Variants in PKIB observed in about 807,000 individuals in gnomAD.
The protein encoded by PKIB is PKI-beta.
PKIB carries 2 observed loss-of-function variants against 4.5 expected under a neutral mutation model. The observed-to-expected ratio is 0.44, with a 90% CI of 0.18 to 1.39. The LOEUF (loss-of-function observed/expected upper bound fraction) is 1.39. Ranked by LOEUF, PKIB falls within the 40% of genes most tolerant of loss-of-function variation. The pLI, the probability that PKIB is intolerant of heterozygous loss-of-function variation, is 0.27. For missense variants in PKIB, 94 were observed against 92.6 expected (o/e 1.02, Z -0.06); for synonymous variants, 38 against 36.0 (o/e 1.06, Z -0.20).
chr6:122,602,681 G>A (rs1216251222), intron 3 of PKIB, among the ~76,000 whole-genome samples: 2 of 152,118 alleles, frequency 1.3e-5, no homozygotes, highest in African/African-American at 2.4e-5. Flanking sequence ...TTGAGAGGCC[G>A]AGGCAGGCGG....
At chr6:122,687,715 G>C (rs894725036) in intron 3 of PKIB, among the ~76,000 whole-genome samples, 1 of 151,892 alleles carries the variant, frequency 6.6e-6, no homozygotes, top group Non-Finnish European at 1.5e-5. Flanking sequence ...TTTAATTTTA[G>C]CTATGGTAAA....
intron 2 of PKIB, among the ~76,000 whole-genome samples, chr6:122,546,168 G>T (rs1772487060): frequency 6.6e-6 from 1 of 152,088 alleles, no homozygotes; most frequent in Non-Finnish European, 1.5e-5. Context: ...CTTGAGAAGA[G>T]AAGTTTTTTT....
At chr6:122,628,088 G>C (rs1271053394) in intron 1 of PKIB, among the ~76,000 whole-genome samples, 1 of 150,826 alleles carries the variant, frequency 6.6e-6, no homozygotes, top group Non-Finnish European at 1.5e-5. Flanking sequence ...CCAGGCTGGA[G>C]TGCAATGGCG....
chr6:122,493,562 AGCTGT>A (rs2114542485), intron 2 of PKIB: 1 of 152,334 alleles, frequency 6.6e-6, no homozygotes, highest in African/African-American at 2.4e-5. Context: ...GCATATCTGA[AGCTGT>A]GCTTTTCAGC....
intron 3 of PKIB, among the ~76,000 whole-genome samples, chr6:122,698,499 A>G (rs1182713195): frequency 2.0e-5 from 3 of 152,174 alleles, no homozygotes; most frequent in African/African-American, 7.2e-5. Context: ...AGAAAAGCCC[A>G]GTGTGTGGCC....
chr6:122,579,115 C>A (rs1773631914), intron 2 of PKIB, among the ~76,000 whole-genome samples: 1 of 152,162 alleles, frequency 6.6e-6, no homozygotes, highest in African/African-American at 2.4e-5. Context: ...CTGCTCCAAC[C>A]ATTTTCATGA....
At chr6:122,486,756 G>C (rs1005468550) in intron 2 of PKIB, among the ~76,000 whole-genome samples, 1 of 152,036 alleles carries the variant, frequency 6.6e-6, no homozygotes, top group Non-Finnish European at 1.5e-5. Flanking sequence ...ATCACAGTTT[G>C]AATCTGCACC....
chr6:122,692,584 G>A (rs773669793), intron 3 of PKIB, among the ~76,000 whole-genome samples: 1 of 152,202 alleles, frequency 6.6e-6, no homozygotes, highest in Admixed American at 6.5e-5. Flanking sequence ...CTTCAGGGCA[G>A]TGGGCTCCCA....
chr6:122,723,986 T>G (rs1230833823), intron 4 of PKIB, among the ~76,000 whole-genome samples: 1 of 152,210 alleles, frequency 6.6e-6, no homozygotes, highest in African/African-American at 2.4e-5. Context: ...ACATGCTTAA[T>G]AAATATTTGA....
intron 1 of PKIB, among the ~76,000 whole-genome samples, chr6:122,473,390 A>C (rs1024272432): frequency 1.3e-5 from 2 of 152,164 alleles, no homozygotes; most frequent in Non-Finnish European, 2.9e-5. Flanking sequence ...GATATTCATA[A>C]GTTCTTGCAC....
rs533553939 is a variant in PKIB, at chr6:122,553,481, C to CTTTTTT, written c.-247-32423_-247-32418dup. The stretch of plus-strand genomic sequence containing the variant: ...TCTCTCAAGATTGCTCAAATATCTT[C>CTTTTTT]TTTTTTTTTTTTTTTTTTTTTTCTG... On this transcript the variant is annotated intron_variant, in intron 2 of 6. Transcript: ENST00000392491. Among the ~76,000 whole-genome samples, 145 of 65,792 alleles carry CTTTTTT rather than the reference C, an allele frequency of 2.2e-3. 21 individuals carry two copies. Among genetic ancestry groups the CTTTTTT allele is most frequent in the African/African-American group, 7.0e-3 (119 of 16,942 alleles). The allele number at this position is 65,792 out of a possible 152,430, so 43.2% of individuals were successfully genotyped here.
At chr6:122,530,882 C>G (rs560430941) in intron 2 of PKIB, among the ~76,000 whole-genome samples, 18 of 152,302 alleles carry the variant, frequency 1.2e-4, no homozygotes, top group African/African-American at 4.3e-4. Flanking sequence ...CATGAACAGA[C>G]ACATCAAATG....
At chr6:122,650,754 A>C (rs1387283582) in intron 2 of PKIB, among the ~76,000 whole-genome samples, 3 of 152,160 alleles carry the variant, frequency 2.0e-5, no homozygotes, top group Non-Finnish European at 4.4e-5. Flanking sequence ...TCTCACCATC[A>C]TGATGAAATG....
At chr6:122,663,208 A>G (rs1777078351) in intron 2 of PKIB, among the ~76,000 whole-genome samples, 1 of 152,132 alleles carries the variant, frequency 6.6e-6, no homozygotes, top group Non-Finnish European at 1.5e-5. Flanking sequence ...AAACCATTTT[A>G]ATGTATTCTT....
At chr6:122,620,348 C>G (rs577200927) in intron 1 of PKIB, among the ~76,000 whole-genome samples, 3 of 152,026 alleles carry the variant, frequency 2.0e-5, no homozygotes, top group Non-Finnish European at 4.4e-5. Context: ...TTTGAATTCC[C>G]AAATGTATTC....
At position 122,581,122 on chromosome 6, in the gene PKIB, AGTAATT is replaced by A. The variant is rs911913722; in HGVS notation, c.-247-4798_-247-4793del. On this transcript the variant is annotated intron_variant, in intron 2 of 6. Coordinates refer to the PKIB transcript ENST00000392491. The stretch of plus-strand genomic sequence containing the variant: ...ATCAACTAACTCTTCAAATAGCTCT[AGTAATT>A]TTGTGGAAATAAAAATTTAACTACT... Among the ~76,000 whole-genome samples the A allele has an allele frequency of 7.3e-4, 111 of 152,204 alleles. 2 individuals are homozygous for A. Among genetic ancestry groups the A allele is most frequent in the African/African-American group, 2.2e-3 (92 of 41,454 alleles).
intron 2 of PKIB, among the ~76,000 whole-genome samples, chr6:122,653,018 C>T (rs1015003364): frequency 1.3e-5 from 2 of 152,062 alleles, no homozygotes; most frequent in African/African-American, 4.8e-5. Flanking sequence ...GGTCCAGGAC[C>T]CTTTTCAATT....
At chr6:122,472,476 T>C (rs1775332202) in intron 1 of PKIB, among the ~76,000 whole-genome samples, 2 of 152,234 alleles carry the variant, frequency 1.3e-5, no homozygotes, top group Admixed American at 1.3e-4. Context: ...TGTCATGAGC[T>C]GTTGAGGCAT....
At chr6:122,506,694 A>ATTTTT (rs35341464) in intron 2 of PKIB, among the ~76,000 whole-genome samples, 5 of 116,564 alleles carry the variant, frequency 4.3e-5, no homozygotes, top group Non-Finnish European at 6.9e-5. Flanking sequence ...TGGAGATGTA[A>ATTTTT]TTTTTTTTTT....
Sources: allele counts gnomAD v4.1 joint callset (sites outside exome capture counted in the v4.1 genomes callset), GRCh38; gene constraint gnomAD v4.1.1; transcripts MANE v1.5; gene names NCBI Gene and HGNC (gene_info 2026-07-23, HGNC 2026-07-21).